Variants in FSTL4 observed in about 807,000 individuals in gnomAD.
The protein encoded by FSTL4 is follistatin-related protein 4.
In FSTL4, 28 loss-of-function variants were observed where a neutral mutation model predicts 78.2. The ratio of observed to expected loss-of-function variants is 0.36; its 90% CI spans 0.27 to 0.49. The LOEUF (loss-of-function observed/expected upper bound fraction) is 0.49. FSTL4 is among the 20% of genes least tolerant of loss of function. FSTL4 has a pLI of 0.98. For missense variants in FSTL4, 922 were observed against 1,084.9 expected (o/e 0.85, Z 2.11); for synonymous variants, 422 against 440.5 (o/e 0.96, Z 0.53).
chr5:133,308,537 G>T (rs1283774432), intron 6 of FSTL4, among the ~76,000 whole-genome samples: 2 of 152,180 alleles, frequency 1.3e-5, no homozygotes, highest in African/African-American at 4.8e-5. Context: ...ACACAAGGTG[G>T]GTGTGAGGAT....
chr5:133,781,067 C>T, the FSTL4 span, among the ~76,000 whole-genome samples: 1 of 152,198 alleles, frequency 6.6e-6, no homozygotes, highest in Non-Finnish European at 1.5e-5. Flanking sequence ...GATGCCTCAT[C>T]CCTCCTTCCT....
At chr5:133,576,311 C>G (rs907518499) in intron 2 of FSTL4, among the ~76,000 whole-genome samples, 1 of 152,182 alleles carries the variant, frequency 6.6e-6, no homozygotes, top group Non-Finnish European at 1.5e-5. Flanking sequence ...CATAGTCACG[C>G]CTCTCCATCT....
chr5:133,202,910 A>C (rs1490868782), intron 14 of FSTL4, among the ~76,000 whole-genome samples: 1 of 152,206 alleles, frequency 6.6e-6, no homozygotes, highest in Non-Finnish European at 1.5e-5. Context: ...GGAAGGCACA[A>C]TGGCAGCTCT....
At chr5:133,823,094 C>T in the FSTL4 span, among the ~76,000 whole-genome samples, 7 of 152,120 alleles carry the variant, frequency 4.6e-5, no homozygotes, top group South Asian at 6.2e-4. Context: ...AGTGCCATAG[C>T]GTTCAGGAGA....
At chr5:133,499,132 C>T (rs997970309) in intron 3 of FSTL4, among the ~76,000 whole-genome samples, 4 of 152,100 alleles carry the variant, frequency 2.6e-5, no homozygotes, top group African/African-American at 7.2e-5. Flanking sequence ...CACACAGTTG[C>T]AGACTGAGTG....
At chr5:133,625,828 TTCC>T in the FSTL4 span, among the ~76,000 whole-genome samples, 1 of 43,342 alleles carries the variant, frequency 2.3e-5, no homozygotes, top group Non-Finnish European at 4.8e-5. Context: ...CATATATATA[TTCC>T]ATATATATAT....
chr5:133,376,180 T>C (rs1398433343), intron 4 of FSTL4, among the ~76,000 whole-genome samples: 2 of 152,232 alleles, frequency 1.3e-5, no homozygotes, highest in African/African-American at 2.4e-5. Context: ...ACTTACTATA[T>C]AAAGCTTTTA....
intron 4 of FSTL4, among the ~76,000 whole-genome samples, chr5:133,324,672 T>C (rs1056277801): frequency 2.7e-4 from 41 of 152,348 alleles, no homozygotes; most frequent in African/African-American, 9.4e-4. Flanking sequence ...TGGCCCAGCA[T>C]CCACACATAG....
the FSTL4 span, among the ~76,000 whole-genome samples, chr5:133,632,685 TTTG>T: frequency 6.6e-6 from 1 of 152,130 alleles, no homozygotes; most frequent in South Asian, 2.1e-4. Flanking sequence ...GTTTGTTTTT[TTTG>T]TTGTTGTTTT....
chr5:133,698,448 G>T, the FSTL4 span, among the ~76,000 whole-genome samples: 1 of 152,228 alleles, frequency 6.6e-6, no homozygotes, highest in Non-Finnish European at 1.5e-5. Context: ...GGTGACCTTG[G>T]TGGGGTGGGT....
Position 133,199,833 on chromosome 5 carries a change from C to T in FSTL4, c.1827-36G>A. 8.6e-7 allele frequency: 1 copy of T among 1,165,656 alleles called. No individual in the cohort carries two copies. The highest frequency in any genetic ancestry group is 1.2e-6 in the Non-Finnish European group (1 of 812,600). The allele number at this position is 1,165,656 out of a possible 1,614,324, so 72.2% of individuals were successfully genotyped here. ...AAGAACTGAGGTCAGAAGTTGCCTC[C>T]AGGGGTGGGGAATCTGTCATTTGTC... On this transcript the variant is annotated intron_variant, in intron 15 of 15. Coordinates refer to ENST00000265342, the MANE Select transcript of FSTL4 (RefSeq NM_015082.2). This position sits in a 1 kb window ranked among gnomAD's most constrained non-coding sequence, Gnocchi z 4.4.
chr5:133,659,660 T>A, the FSTL4 span, among the ~76,000 whole-genome samples: 1 of 151,582 alleles, frequency 6.6e-6, no homozygotes, highest in Non-Finnish European at 1.5e-5. Context: ...GCTTTTTTTA[T>A]GTTTTCTATT....
At chr5:133,449,721 A>C (rs1757344629) in intron 3 of FSTL4, among the ~76,000 whole-genome samples, 1 of 152,180 alleles carries the variant, frequency 6.6e-6, no homozygotes, top group South Asian at 2.1e-4. Context: ...TCTGTCTGAG[A>C]TGGCGGGTGT....
At chr5:133,462,692 G>A (rs1228053923) in intron 3 of FSTL4, among the ~76,000 whole-genome samples, 3 of 152,208 alleles carry the variant, frequency 2.0e-5, no homozygotes, top group East Asian at 3.9e-4. Context: ...ATGTGGGTCT[G>A]TGAGTGACTC....
chr5:133,345,490 C>A (rs1754677537), intron 4 of FSTL4, among the ~76,000 whole-genome samples: 1 of 152,208 alleles, frequency 6.6e-6, no homozygotes, highest in South Asian at 2.1e-4. Context: ...GTCATGAAGT[C>A]TTTGCCCATG....
chr5:133,818,498 T>A, the FSTL4 span, among the ~76,000 whole-genome samples: 1 of 152,156 alleles, frequency 6.6e-6, no homozygotes, highest in Non-Finnish European at 1.5e-5. Flanking sequence ...CAAGGCTAAT[T>A]CCACTGAAAC....
intron 3 of FSTL4, among the ~76,000 whole-genome samples, chr5:133,552,841 G>GGGTATTCAT (rs1759715602): frequency 6.6e-6 from 1 of 152,198 alleles, no homozygotes; most frequent in South Asian, 2.1e-4. Context: ...GTGACTTTGG[G>GGGTATTCAT]GGTATTCATA....
chr5:133,329,250 T>C (rs1754286085), intron 4 of FSTL4, among the ~76,000 whole-genome samples: 1 of 152,078 alleles, frequency 6.6e-6, no homozygotes. Context: ...GTTGTCACAA[T>C]GATTGGAGGG....
intron 4 of FSTL4, among the ~76,000 whole-genome samples, chr5:133,331,140 C>T (rs967644709): frequency 2.0e-5 from 3 of 152,190 alleles, no homozygotes; most frequent in South Asian, 4.1e-4. Context: ...AAAGCAGCCC[C>T]GCATAGGTCC....
Sources: allele counts gnomAD v4.1 joint callset (sites outside exome capture counted in the v4.1 genomes callset), GRCh38; gene constraint gnomAD v4.1.1; non-coding constraint Gnocchi (gnomAD v3.1); transcripts MANE v1.5; gene names NCBI Gene and HGNC (gene_info 2026-07-23, HGNC 2026-07-21).